UBR3: variants seen among roughly 807,000 people sequenced by gnomAD.
UBR3 encodes E3 ubiquitin-protein ligase UBR3.
In UBR3, 85 loss-of-function variants were observed where a neutral mutation model predicts 243.2. That is an observed-to-expected ratio of 0.35 (90% CI 0.29 to 0.42). The LOEUF (loss-of-function observed/expected upper bound fraction) is 0.42, where lower values mean the gene tolerates loss of function less well. Among genes scored for constraint, UBR3 ranks in the 10% least tolerant of loss-of-function variants. The pLI is 1.00. For synonymous variants in UBR3, 748 were observed against 799.8 expected (o/e 0.94, Z 1.09); for missense variants, 1,686 against 2,300.8 (o/e 0.73, Z 5.47).
Position 169,876,531 on chromosome 2 carries a change from T to TATTGTATTGTATTG in UBR3, c.844+582_844+583insATTGTATTGTATTG, listed in dbSNP as rs548140513. Among the ~76,000 whole-genome samples, 270 of 147,340 alleles carry TATTGTATTGTATTG rather than the reference T, an allele frequency of 1.8e-3. 2 individuals carry two copies. The highest frequency in any genetic ancestry group is 3.0e-3 in the South Asian group (14 of 4,594). On this transcript the variant is annotated intron_variant, in intron 3 of 38. Coordinates refer to ENST00000272793, the MANE Select transcript of UBR3 (RefSeq NM_172070.4). The stretch of plus-strand genomic sequence containing the variant: ...CATGATAATTATGCTCTGCCTCTCT[T>TATTGTATTGTATTG]TATTGTATTGTATTGTATTGTATTG...
chr2:170,067,340 A>G (rs1211558161), intron 35 of UBR3, among the ~76,000 whole-genome samples: 1 of 152,242 alleles, frequency 6.6e-6, no homozygotes, highest in Non-Finnish European at 1.5e-5. Flanking sequence ...GTAAACATAT[A>G]TGCACAAAAT....
At chr2:170,027,562 A>C (rs1241776948) in intron 30 of UBR3, among the ~76,000 whole-genome samples, 4 of 151,806 alleles carry the variant, frequency 2.6e-5, no homozygotes, top group African/African-American at 9.7e-5. Context: ...TGATTAAATT[A>C]GGGAAACTAA....
chr2:170,072,520 TA>T (rs1200872761), intron 35 of UBR3, among the ~76,000 whole-genome samples: 1 of 152,090 alleles, frequency 6.6e-6, no homozygotes, highest in East Asian at 1.9e-4. Flanking sequence ...CATATATACA[TA>T]TGTAACTAAC....
intron 23 of UBR3, among the ~76,000 whole-genome samples, chr2:169,957,018 T>C (rs1336049228): frequency 6.6e-6 from 1 of 152,206 alleles, no homozygotes; most frequent in Non-Finnish European, 1.5e-5. Context: ...CAGTTCCTCT[T>C]TGAGTTTTGT....
At chr2:169,907,036 C>CTTTTTT (rs36078695) in intron 10 of UBR3, among the ~76,000 whole-genome samples, 7 of 112,348 alleles carry the variant, frequency 6.2e-5, no homozygotes, top group East Asian at 2.6e-4. Context: ...AAATTTCTTT[C>CTTTTTT]TTTTTTTTTT....
At chr2:169,928,683 C>T in intron 17 of UBR3, 44 bp from the exon 18 acceptor site, 1 of 1,400,652 alleles carries the variant, frequency 7.1e-7, no homozygotes, top group Non-Finnish European at 9.5e-7. Context: ...GGCTATAAAT[C>T]TGGCTTTTTG....
chr2:170,038,896 C>T (rs963700895), intron 31 of UBR3, among the ~76,000 whole-genome samples: 6 of 151,832 alleles, frequency 4.0e-5, no homozygotes, highest in South Asian at 4.2e-4. Flanking sequence ...TGGGAGTGTG[C>T]GTATAGAGAG....
chr2:169,885,982 C>A (rs1414842570), intron 5 of UBR3, among the ~76,000 whole-genome samples: 1 of 151,960 alleles, frequency 6.6e-6, no homozygotes, highest in Non-Finnish European at 1.5e-5. Flanking sequence ...TATGGTGAAA[C>A]CCCGTCTCTA....
intron 26 of UBR3, among the ~76,000 whole-genome samples, chr2:170,000,890 G>C (rs914727914): frequency 3.3e-5 from 5 of 152,200 alleles, no homozygotes; most frequent in Non-Finnish European, 5.9e-5. Context: ...ACGAAACCGA[G>C]AGAGTAGCAT....
chr2:169,981,848 ACAC>A (rs2088749751), intron 24 of UBR3, among the ~76,000 whole-genome samples: 1 of 152,062 alleles, frequency 6.6e-6, no homozygotes, highest in Admixed American at 6.5e-5. Flanking sequence ...AATACTCTAT[ACAC>A]CAACTAAAAA....
chr2:169,925,384 C>T (rs1201470216), intron 13 of UBR3, among the ~76,000 whole-genome samples: 1 of 151,902 alleles, frequency 6.6e-6, no homozygotes, highest in Non-Finnish European at 1.5e-5. Flanking sequence ...TATCCAGAGG[C>T]CAACATGGAA....
intron 23 of UBR3, 74 bp from the exon 24 acceptor site, chr2:169,958,364 T>G: frequency 7.4e-7 from 1 of 1,347,608 alleles, no homozygotes; most frequent in South Asian, 1.3e-5. Context: ...TTTCATACAT[T>G]ATATACTCCT....
intron 24 of UBR3, among the ~76,000 whole-genome samples, chr2:169,961,874 GT>G (rs34504571): frequency 0.056 from 7,619 of 136,776 alleles, 323 homozygotes; most frequent in African/African-American, 0.14. Context: ...TTTTTCCCAT[GT>G]TTTTTTTTTT....
rs13432971 is a variant in UBR3, at chr2:170,081,635, C to T, written c.5550-91C>T. 2.4e-4 allele frequency: 232 copies of T among 972,496 alleles called. No individual in the cohort carries two copies. The African/African-American group carries it at 2.8e-3, about 12-fold the overall frequency. The allele number at this position is 972,496 out of a possible 1,614,324, so 60.2% of individuals were successfully genotyped here. ...AACCCAGGAGGCGGAGGTTGCACTGCGAGAGACTGTCTCAGAAAAAAAAGA... is the reference window on the plus strand; with the variant it reads ...AACCCAGGAGGCGGAGGTTGCACTGTGAGAGACTGTCTCAGAAAAAAAAGA... On this transcript the variant is annotated intron_variant, in intron 38 of 38. Transcript: ENST00000272793.
chr2:169,900,250 A>G (rs952186625), intron 8 of UBR3, among the ~76,000 whole-genome samples: 2 of 152,220 alleles, frequency 1.3e-5, no homozygotes, highest in Admixed American at 6.5e-5. Context: ...ATGACCAGTG[A>G]TGATGAGCAT....
At chr2:169,967,271 C>CG (rs2087864041) in intron 24 of UBR3, among the ~76,000 whole-genome samples, 1 of 144,244 alleles carries the variant, frequency 6.9e-6, no homozygotes, top group Non-Finnish European at 1.5e-5. Flanking sequence ...CCCCGCCCCC[C>CG]CCCACACACA....
chr2:169,982,285 G>A (rs1225128943), intron 24 of UBR3, among the ~76,000 whole-genome samples: 1 of 151,690 alleles, frequency 6.6e-6, no homozygotes, highest in Non-Finnish European at 1.5e-5. Context: ...CTTCCATTCA[G>A]CCACAAAACC....
chr2:169,901,421 G>A (rs1394159031), intron 8 of UBR3, among the ~76,000 whole-genome samples: 1 of 151,946 alleles, frequency 6.6e-6, no homozygotes, highest in Non-Finnish European at 1.5e-5. Flanking sequence ...AGTAGCATAA[G>A]ATATCATGAT....
intron 35 of UBR3, among the ~76,000 whole-genome samples, chr2:170,070,183 A>G (rs1323381306): frequency 6.6e-6 from 1 of 152,172 alleles, no homozygotes; most frequent in Non-Finnish European, 1.5e-5. Flanking sequence ...CCCGGAATGC[A>G]CAGTTGGTTC....
Sources: gnomAD v4.1 joint callset for allele counts (sites outside exome capture counted in the v4.1 genomes callset) on GRCh38, gnomAD v4.1.1 for gene constraint, MANE v1.5 for transcripts, NCBI Gene and HGNC (gene_info 2026-07-23, HGNC 2026-07-21) for gene names.